DIP2A: variants seen among roughly 807,000 people sequenced by gnomAD.
DIP2A encodes the protein DIP2 acetate--CoA ligase A, also known as disco-interacting protein 2 homolog A.
A neutral mutation model predicts 177.4 loss-of-function variants in DIP2A; 85 were observed. The observed-to-expected ratio is 0.48, with a 90% CI of 0.40 to 0.57. The LOEUF (loss-of-function observed/expected upper bound fraction) is 0.57. Ranked by LOEUF, DIP2A falls within the 20% of genes least tolerant of loss-of-function variation. The pLI, the probability that DIP2A is intolerant of heterozygous loss-of-function variation, is 0.00. For missense variants in DIP2A, 1,791 were observed against 2,100.2 expected (o/e 0.85, Z 2.88); for synonymous variants, 886 against 881.8 (o/e 1.00, Z -0.08).
chr21:46,535,921 C>G (rs2059550217), intron 13 of DIP2A, among the ~76,000 whole-genome samples: 1 of 152,140 alleles, frequency 6.6e-6, no homozygotes, highest in Non-Finnish European at 1.5e-5. Flanking sequence ...CGAAGTTTGG[C>G]AGCAACATGG....
chr21:46,518,992 T>C (rs1601633675), intron 8 of DIP2A, among the ~76,000 whole-genome samples: 1 of 152,232 alleles, frequency 6.6e-6, no homozygotes, highest in Non-Finnish European at 1.5e-5. Context: ...GACTATATGC[T>C]AAACAAGGGG....
rs753928806 is a variant in DIP2A at position 46,557,674 on chromosome 21, A to G, written c.3719A>G (p.Lys1240Arg). The G allele has an allele frequency of 5.6e-6, 9 of 1,613,540 alleles. No individual in the cohort carries two copies. Among genetic ancestry groups the G allele is most frequent in the Non-Finnish European group, 7.6e-6 (9 of 1,179,822 alleles). The part of the protein sequence containing the change: ...SLWLSAVSQY[K>R]ARVTFCSYSV... The stretch of plus-strand genomic sequence containing the variant: ...TGGCTGTCGGCCGTCAGCCAGTACA[A>G]GGCCCGCGTCACCTTCTGCTCCTAC... Residue 1240 changes from lysine (K) to arginine (R), a missense_variant, in exon 31 of 38, where the codon AAG becomes AGG. By Grantham distance (26) the Lys-to-Arg change is conservative (BLOSUM62 2). Coordinates refer to ENST00000417564, the MANE Select transcript of DIP2A (RefSeq NM_015151.4). The surrounding 1 kb of genome is among the most constrained non-coding windows in gnomAD (Gnocchi z 6.0).
intron 21 of DIP2A, among the ~76,000 whole-genome samples, chr21:46,548,181 C>CATGTGT (rs1555909585): frequency 2.0e-5 from 3 of 147,586 alleles, no homozygotes; most frequent in African/African-American, 7.5e-5. Flanking sequence ...TGCATGTGTG[C>CATGTGT]GTGTGTGTGT....
intron 8 of DIP2A, among the ~76,000 whole-genome samples, chr21:46,526,985 C>A (rs1485238523): frequency 6.7e-6 from 1 of 149,328 alleles, no homozygotes; most frequent in Admixed American, 6.6e-5. Context: ...TAAAGATGCC[C>A]CTTATCACAT....
chr21:46,509,426 C>T (rs769541956), intron 7 of DIP2A, 50 bp downstream of exon 7: 1 of 1,563,558 alleles, frequency 6.4e-7, no homozygotes, highest in Admixed American at 1.9e-5. Context: ...AAAGGGTGGC[C>T]ACGAAGTTGA....
At chr21:46,502,796 G>T (rs2057727251) in intron 5 of DIP2A, among the ~76,000 whole-genome samples, 1 of 151,968 alleles carries the variant, frequency 6.6e-6, no homozygotes, top group African/African-American at 2.4e-5. Flanking sequence ...TCATTGTTGT[G>T]GTAGAACACA....
intron 8 of DIP2A, among the ~76,000 whole-genome samples, chr21:46,512,800 T>TAA (rs1178536603): frequency 1.6e-5 from 2 of 125,638 alleles, no homozygotes; most frequent in African/African-American, 5.9e-5. Flanking sequence ...CCAGCTAATT[T>TAA]AAAAAAAAAA....
intron 25 of DIP2A, chr21:46,553,375 T>C (rs1455470171): frequency 1.3e-5 from 2 of 152,248 alleles, no homozygotes; most frequent in African/African-American, 4.8e-5. Context: ...AATTGCACTT[T>C]TTATCTTCTT....
chr21:46,579,278 G>T, the DIP2A span, among the ~76,000 whole-genome samples: 1 of 152,176 alleles, frequency 6.6e-6, no homozygotes, highest in Non-Finnish European at 1.5e-5. Flanking sequence ...ATGGTTGTTT[G>T]TATTTCCGTA....
At chr21:46,464,817 C>CTTTTTTTTTTTT (rs1168153777) in intron 1 of DIP2A, among the ~76,000 whole-genome samples, 1,407 of 73,344 alleles carry the variant, frequency 0.019, 225 homozygotes, top group Non-Finnish European at 0.026. Context: ...ATATTCATGT[C>CTTTTTTTTTTTT]TTTTTTTTTT....
rs143642154 is a variant in DIP2A at position 46,560,027 on chromosome 21, TTAAAAG to T, written c.3970-689_3970-684del. 4.6e-3 allele frequency among the ~76,000 whole-genome samples: 706 copies of T among 152,358 alleles called. 6 individuals are homozygous for T. Among genetic ancestry groups the T allele is most frequent in the African/African-American group, 0.016 (669 of 41,576 alleles). ...TACAAAAGCTCCCTTGTAACCAAATTTAAAAGTAAAACTATTTTCAAAAAATGTTAA... is the reference window on the plus strand; with the variant it reads ...TACAAAAGCTCCCTTGTAACCAAATTTAAAACTATTTTCAAAAAATGTTAA... On this transcript the variant is annotated intron_variant, in intron 32 of 37. Transcript: ENST00000417564.
chr21:46,463,221 C>T (rs2054479041), intron 1 of DIP2A: 1 of 152,178 alleles, frequency 6.6e-6, no homozygotes, highest in East Asian at 1.9e-4. Context: ...GAAGTGAGAT[C>T]ATTAGAGGTA....
chr21:46,508,795 G>A, intron 6 of DIP2A, among the ~76,000 whole-genome samples: 1 of 151,994 alleles, frequency 6.6e-6, no homozygotes, highest in Admixed American at 6.5e-5. Context: ...GGCCAAGGCA[G>A]GTGGATCACG....
intron 5 of DIP2A, among the ~76,000 whole-genome samples, chr21:46,503,584 C>CTTCCTTCT (rs2057782624): frequency 8.9e-6 from 1 of 112,232 alleles, no homozygotes; most frequent in East Asian, 2.4e-4. Context: ...TCCTTCCTTC[C>CTTCCTTCT]TTCCTTCCTT....
intron 13 of DIP2A, among the ~76,000 whole-genome samples, chr21:46,536,585 T>C (rs891571899): frequency 6.6e-6 from 1 of 152,164 alleles, no homozygotes; most frequent in Non-Finnish European, 1.5e-5. Flanking sequence ...CTGAGAAGAA[T>C]ACCCACTCAA....
downstream of DIP2A, among the ~76,000 whole-genome samples, chr21:46,571,284 A>G (rs1268822194): frequency 2.0e-5 from 3 of 152,192 alleles, no homozygotes. Flanking sequence ...CTGTGGAATA[A>G]TTGTCTTCCA....
chr21:46,497,061 A>T lies in DIP2A; in HGVS notation c.357A>T (p.Arg119Ser), dbSNP rs2057398037. 1 of 1,613,818 alleles carries T rather than the reference A, an allele frequency of 6.2e-7. No individual in the cohort carries two copies. Among genetic ancestry groups the T allele is most frequent in the African/African-American group, 1.3e-5 (1 of 74,908 alleles). Reference sequence around the variant, plus strand: ...GGAAGATGCCTATGCCTTCGAAGAGACGTTCTGTCCTTGTGCATTCGTCTG... The same window carrying T: ...GGAAGATGCCTATGCCTTCGAAGAGTCGTTCTGTCCTTGTGCATTCGTCTG... Reference protein sequence around the residue: ...KERKMPMPSKRRSVLVHSSVE... With the variant: ...KERKMPMPSKSRSVLVHSSVE... The change falls in exon 4 of 38, where the codon AGA becomes AGT. Residue 119 changes from arginine (R) to serine (S), a missense_variant. Transcript: ENST00000417564.
chr21:46,549,864 G>A lies in DIP2A; in HGVS notation c.2616G>A (p.Gln872=). ...RPDASEEDSF[Q]WMSRVLQAID... is the part of the protein sequence containing the mutation. ...ATGCCTCGGAGGAGGACAGCTTCCA[G>A]TGGATGAGCCGTGTGCTGCAGGTGG... Residue 872 remains glutamine, a synonymous_variant, in exon 22 of 38, where the codon CAG becomes CAA. Transcript: ENST00000417564. 6.2e-7 allele frequency: 1 copy of A among 1,612,244 alleles called. No homozygotes were observed. Among genetic ancestry groups the A allele is most frequent in the African/African-American group, 1.3e-5 (1 of 75,050 alleles).
chr21:46,554,648 C>T lies in DIP2A; in HGVS notation c.3228C>T (p.His1076=), dbSNP rs1601825079. The change falls in exon 27 of 38, where the codon CAC becomes CAT. Residue 1076 remains histidine, a synonymous_variant. Coordinates refer to ENST00000417564, the MANE Select transcript of DIP2A (RefSeq NM_015151.4). ...TGCCTGTCACCGTGCGGCCCCCGCA[C>T]CCTCAGAACCTCGGCACCACACTGC... is the stretch of plus-strand genomic sequence containing the variant. ...GCVPVTVRPP[H]PQNLGTTLPT... 1.3e-6 allele frequency: 2 copies of T among 1,593,126 alleles called. No individual in the cohort carries two copies. The highest frequency in any genetic ancestry group is 1.7e-4 in the Middle Eastern group (1 of 6,042).
Sources: allele counts gnomAD v4.1 joint callset (sites outside exome capture counted in the v4.1 genomes callset), GRCh38; gene constraint gnomAD v4.1.1; non-coding constraint Gnocchi (gnomAD v3.1); transcripts MANE v1.5; gene names NCBI Gene and HGNC (gene_info 2026-07-23, HGNC 2026-07-21).